SYN3: variants seen among roughly 807,000 people sequenced by gnomAD.
SYN3 encodes the protein synapsin III, also known as synapsin-3.
In SYN3, 35 loss-of-function variants were observed where a neutral mutation model predicts 65.8. That is an observed-to-expected ratio of 0.53 (90% CI 0.41 to 0.70). The LOEUF is 0.70. Among genes scored for constraint, SYN3 ranks in the 30% least tolerant of loss-of-function variants. The pLI is 0.00. For missense variants in SYN3, 680 were observed against 749.0 expected (o/e 0.91, Z 1.08); for synonymous variants, 270 against 292.9 (o/e 0.92, Z 0.80).
intron 6 of SYN3, among the ~76,000 whole-genome samples, chr22:32,794,555 T>C (rs1444458525): frequency 1.3e-5 from 2 of 152,228 alleles, no homozygotes; most frequent in African/African-American, 4.8e-5. Context: ...AGTTTATTCC[T>C]TTAATATTTG....
intron 5 of SYN3, 127 bp from the exon 6 acceptor site, chr22:32,865,131 T>C (rs948322263): frequency 5.7e-6 from 4 of 707,290 alleles, no homozygotes; most frequent in South Asian, 5.0e-5. Context: ...TATCCTACCC[T>C]GCCTATAGGA....
intron 6 of SYN3, among the ~76,000 whole-genome samples, chr22:32,600,766 CA>C: frequency 6.6e-6 from 1 of 152,124 alleles, no homozygotes; most frequent in East Asian, 1.9e-4. Flanking sequence ...CGGCTCACTG[CA>C]ACCTCTGTCT....
chr22:33,019,972 A>G (rs2053533774), intron 1 of SYN3, among the ~76,000 whole-genome samples: 1 of 152,278 alleles, frequency 6.6e-6, no homozygotes, highest in South Asian at 2.1e-4. Flanking sequence ...TTTTGAAATA[A>G]TGAATGATTA....
intron 6 of SYN3, among the ~76,000 whole-genome samples, chr22:32,740,305 G>C (rs1353525339): frequency 6.6e-6 from 1 of 152,196 alleles, no homozygotes; most frequent in Non-Finnish European, 1.5e-5. Flanking sequence ...CATGAATAAG[G>C]AGCTGCCACT....
chr22:32,527,895 C>G, intron 12 of SYN3, 23 bp downstream of exon 12: 1 of 1,572,860 alleles, frequency 6.4e-7, no homozygotes, highest in Non-Finnish European at 8.6e-7. Context: ...TGCTTTCTTG[C>G]AGTGGCTCGT....
intron 2 of SYN3, among the ~76,000 whole-genome samples, chr22:32,999,920 T>C (rs2053008802): frequency 6.6e-6 from 1 of 152,150 alleles, no homozygotes; most frequent in African/African-American, 2.4e-5. Flanking sequence ...CCATGGAAGG[T>C]AACCAGAAGG....
At chr22:32,925,367 G>A (rs1009890882) in intron 4 of SYN3, among the ~76,000 whole-genome samples, 5 of 152,166 alleles carry the variant, frequency 3.3e-5, no homozygotes, top group Non-Finnish European at 4.4e-5. Flanking sequence ...GTAAGGTCAC[G>A]TTCTGAGGTA....
At chr22:32,580,732 G>A (rs1351994570) in intron 7 of SYN3, among the ~76,000 whole-genome samples, 4 of 152,186 alleles carry the variant, frequency 2.6e-5, no homozygotes, top group East Asian at 1.9e-4. Flanking sequence ...ATTCATTTAC[G>A]TATTGTCTGT....
chr22:32,894,905 C>T (rs1284948341), intron 4 of SYN3, among the ~76,000 whole-genome samples: 1 of 152,130 alleles, frequency 6.6e-6, no homozygotes. Context: ...GAGGATAATG[C>T]CAATATTTCA....
chr22:32,705,555 T>C (rs1251290428), intron 6 of SYN3, among the ~76,000 whole-genome samples: 1 of 152,212 alleles, frequency 6.6e-6, no homozygotes, highest in Admixed American at 6.5e-5. Context: ...TATGGTTCCA[T>C]GTAAATTTTA....
chr22:32,835,085 A>G (rs1332271693), intron 6 of SYN3, among the ~76,000 whole-genome samples: 4 of 152,022 alleles, frequency 2.6e-5, no homozygotes, highest in Admixed American at 6.5e-5. Context: ...CATGATCAAA[A>G]CCCTATACAT....
At chr22:32,726,972 T>C (rs1434759452) in intron 6 of SYN3, among the ~76,000 whole-genome samples, 1 of 52,958 alleles carries the variant, frequency 1.9e-5, no homozygotes, top group Non-Finnish European at 4.5e-5. Context: ...TGGAATGAAG[T>C]TTTTTTTTTT....
intron 6 of SYN3, among the ~76,000 whole-genome samples, chr22:32,769,379 T>C (rs987957986): frequency 1.3e-5 from 2 of 152,202 alleles, no homozygotes; most frequent in African/African-American, 4.8e-5. Context: ...GCACTTGACA[T>C]AGTTGATCAT....
chr22:32,955,942 C>T (rs1463905237), intron 3 of SYN3, among the ~76,000 whole-genome samples: 1 of 151,588 alleles, frequency 6.6e-6, no homozygotes. Flanking sequence ...CCGAGTTCTT[C>T]AGCTTTGGGA....
At chr22:32,603,451 T>C (rs1364354871) in intron 6 of SYN3, among the ~76,000 whole-genome samples, 1 of 137,422 alleles carries the variant, frequency 7.3e-6, no homozygotes, top group Non-Finnish European at 1.5e-5. Flanking sequence ...ATCCAGGAGG[T>C]GGAGCTTTCA....
chr22:32,518,209 G>T lies in SYN3; in HGVS notation c.1444C>A (p.Pro482Thr). Residue 482 changes from proline (P) to threonine (T), a missense_variant, in exon 13 of 14, where the codon CCA (proline) becomes ACA (threonine). By Grantham distance (38) the Pro-to-Thr change is conservative. Coordinates refer to ENST00000358763, the MANE Select transcript of SYN3 (RefSeq NM_003490.4). ...QSGSPQQQRS[P>T]GSPQLSRASS... is the part of the protein sequence containing the mutation. ...GCCCGGGATAGCTGCGGAGAGCCTG[G>T]TGACCTTTGCTGCTGTGGAGATCCG... The T allele has an allele frequency of 6.2e-7, 1 of 1,614,014 alleles. No individual in the cohort carries two copies. The highest frequency in any genetic ancestry group is 8.5e-7 in the Non-Finnish European group (1 of 1,180,012).
At chr22:32,762,315 T>C (rs2045506124) in intron 6 of SYN3, among the ~76,000 whole-genome samples, 1 of 152,008 alleles carries the variant, frequency 6.6e-6, no homozygotes, top group South Asian at 2.1e-4. Flanking sequence ...CCATACATCC[T>C]TCCTCAGGGT....
At chr22:32,941,385 A>C (rs1197730493) in intron 3 of SYN3, among the ~76,000 whole-genome samples, 1 of 152,216 alleles carries the variant, frequency 6.6e-6, no homozygotes, top group East Asian at 1.9e-4. Flanking sequence ...CCTTGTTGAA[A>C]GCTTGAGCCC....
intron 3 of SYN3, among the ~76,000 whole-genome samples, chr22:32,938,283 C>T (rs754923714): frequency 6.6e-6 from 1 of 152,062 alleles, no homozygotes; most frequent in Non-Finnish European, 1.5e-5. Flanking sequence ...AATCCCAGCA[C>T]TTTGGGAGGC....
Sources: allele counts gnomAD v4.1 joint callset (sites outside exome capture counted in the v4.1 genomes callset), GRCh38; gene constraint gnomAD v4.1.1; transcripts MANE v1.5; gene names NCBI Gene and HGNC (gene_info 2026-07-23, HGNC 2026-07-21).